The following SAP130 variants were observed in gnomAD, a reference collection of about 807,000 sequenced individuals.
SAP130 encodes the protein Sin3A associated protein 130.
SAP130 carries 16 observed loss-of-function variants against 103.2 expected under a neutral mutation model. The ratio of observed to expected loss-of-function variants is 0.16; its 90% confidence interval spans 0.10 to 0.24. The LOEUF is 0.24. Among genes scored for constraint, SAP130 ranks in the 10% least tolerant of loss-of-function variants. The pLI, the probability that SAP130 is intolerant of heterozygous loss-of-function variation, is 1.00. For synonymous variants in SAP130, 477 were observed against 497.0 expected (o/e 0.96, Z 0.53); for missense variants, 990 against 1,359.7 (o/e 0.73, Z 4.28).
Position 127,942,487 on chromosome 2 carries a change from C to T in SAP130, c.2952G>A (p.Gly984=). ...TTGCTGCTTTTTTCTTTGGGATAAT[C>T]CCTTCCTGCAGGTTAGTAAGTCTTT... ...VYERLTNLQE[G]IIPKKKAATD... Residue 984 remains glycine (G), a synonymous_variant, in exon 20 of 21, where the codon GGG becomes GGA. Transcript: ENST00000643581. The surrounding 1 kb of genome is among the most constrained non-coding windows in gnomAD (Gnocchi z 4.8). 5 of 1,613,936 alleles carry T rather than the reference C, an allele frequency of 3.1e-6. No individual in the cohort carries two copies. The highest frequency in any genetic ancestry group is 4.2e-6 in the Non-Finnish European group (5 of 1,179,838).
intron 15 of SAP130, among the ~76,000 whole-genome samples, chr2:127,975,177 G>A (rs1422885322): frequency 2.0e-5 from 3 of 152,170 alleles, no homozygotes; most frequent in African/African-American, 7.2e-5. Flanking sequence ...ACCATAAACA[G>A]TTCTGCATAA....
Position 128,000,294 on chromosome 2 carries a change from C to G in SAP130, c.1017+13G>C. 1 of 1,614,130 alleles carries G rather than the reference C, an allele frequency of 6.2e-7. No individual in the cohort carries two copies. Among genetic ancestry groups the G allele is most frequent in the Non-Finnish European group, 8.5e-7 (1 of 1,179,978 alleles). On this transcript the variant is annotated intron_variant, in intron 8 of 20. Transcript: ENST00000643581. ...AACAAAGTACACAGGTGGTTCTCCACTTTTGGTTTTACCTGAGCCATTGTA... is the reference window on the plus strand; with the variant it reads ...AACAAAGTACACAGGTGGTTCTCCAGTTTTGGTTTTACCTGAGCCATTGTA...
In SAP130 at chr2:127,962,439, A is replaced by T. The variant is rs979329705; in HGVS notation, c.2064-7095T>A. On this transcript the variant is annotated intron_variant, in intron 15 of 20. Transcript: ENST00000643581. ...AAGACACATGCACACGTATGTTTAT[A>T]GCGGCACTATTCACAATAGCAAAGA... Among the ~76,000 whole-genome samples, 7 of 152,330 alleles carry T rather than the reference A, an allele frequency of 4.6e-5. No individual in the cohort carries two copies. In the East Asian group the frequency reaches 7.7e-4, roughly 17 times the overall value.
chr2:127,992,518 G>C (rs1429862486), intron 12 of SAP130, among the ~76,000 whole-genome samples: 1 of 150,702 alleles, frequency 6.6e-6, no homozygotes, highest in Admixed American at 6.6e-5. Flanking sequence ...GACCTCAAGT[G>C]ATCTGCCTGC....
In SAP130 at chr2:127,991,934, G is replaced by A. The variant is rs889729091; in HGVS notation, c.1477+1253C>T. 2.0e-4 allele frequency among the ~76,000 whole-genome samples: 31 copies of A among 152,192 alleles called. 1 individual carries two copies. The highest frequency in any genetic ancestry group is 2.0e-3 in the Admixed American group (31 of 15,278). On this transcript the variant is annotated intron_variant, in intron 12 of 20. Transcript: ENST00000643581. ...CCATATAGCACCGTGTGGCAGGAGG[G>A]CAATGTCCACAATCCAGGCAGCAAT...
At chr2:128,025,841 C>T (rs1448440452) in intron 2 of SAP130, among the ~76,000 whole-genome samples, 1 of 152,152 alleles carries the variant, frequency 6.6e-6, no homozygotes, top group Non-Finnish European at 1.5e-5. Context: ...TAATAAACCC[C>T]TAAAAGACAA....
Position 127,953,879 on chromosome 2 carries a change from TATACATAC to T in SAP130, c.2422+1099_2422+1106del, listed in dbSNP as rs376522182. ...ATAGAACTTATCACCCAAACATATA[TATACATAC>T]ATACATACATATATAATTTAGTCAT... On this transcript the variant is annotated intron_variant, in intron 16 of 20. Transcript: ENST00000643581. This position sits in a 1 kb window ranked among gnomAD's most constrained non-coding sequence, Gnocchi z 4.0. 1.3e-5 allele frequency among the ~76,000 whole-genome samples: 2 copies of T among 152,172 alleles called. No individual in the cohort carries two copies. Among genetic ancestry groups the T allele is most frequent in the Non-Finnish European group, 2.9e-5 (2 of 68,040 alleles).
chr2:127,990,001 A>C, intron 12 of SAP130, 135 bp from the exon 13 acceptor site: 2 of 783,138 alleles, frequency 2.6e-6, no homozygotes, highest in Non-Finnish European at 3.9e-6. Context: ...AAATAAATAA[A>C]TAAACATTGT....
intron 7 of SAP130, among the ~76,000 whole-genome samples, chr2:128,007,361 C>A (rs966187175): frequency 6.6e-6 from 1 of 152,136 alleles, no homozygotes; most frequent in Non-Finnish European, 1.5e-5. Flanking sequence ...GGAGGAGGTG[C>A]GTAGGTTATA....
rs199638415 is a variant in SAP130, at chr2:128,019,108, GA to G, written c.113-1194del. Among the ~76,000 whole-genome samples, 18 of 143,188 alleles carry G rather than the reference GA, an allele frequency of 1.3e-4. 1 individual carries two copies. The East Asian group carries it at 2.7e-3, about 21-fold the overall frequency. 93.9% of individuals were successfully genotyped at this position (143,188 alleles called of 152,430 possible). ...GAGTGAGGCTCCATCTCAAAAAAAA[GA>G]AAAAAAAAAGATATTTTAAGTACGG... On this transcript the variant is annotated intron_variant, in intron 2 of 20. Coordinates refer to ENST00000643581, the MANE Select transcript of SAP130 (RefSeq NM_001330301.2).
At chr2:127,946,802 T>C (rs1482819374) in intron 18 of SAP130, among the ~76,000 whole-genome samples, 3 of 151,232 alleles carry the variant, frequency 2.0e-5, no homozygotes, top group Admixed American at 1.3e-4. Flanking sequence ...GAGAATTGCT[T>C]GAACCCAGGA....
At chr2:127,983,005 T>G (rs890755036) in intron 14 of SAP130, among the ~76,000 whole-genome samples, 5 of 151,580 alleles carry the variant, frequency 3.3e-5, no homozygotes, top group African/African-American at 1.2e-4. Flanking sequence ...CCCAAACTGG[T>G]GGGGAGGGTG....
In SAP130 at chr2:128,000,411, T is replaced by C. The variant is rs948643870; in HGVS notation, c.913A>G (p.Ser305Gly). Reference sequence around the variant, plus strand: ...CGTGACTGGGCAGGACGCTGAATACTGATTGCTGCAGATGGAGGATGCTGG... The same window carrying C: ...CGTGACTGGGCAGGACGCTGAATACCGATTGCTGCAGATGGAGGATGCTGG... ...SIQHPPSAAI[S>G]IQRPAQSRDV... Residue 305 changes from serine to glycine, a missense_variant, in exon 8 of 21, where the codon AGT (serine) becomes GGT (glycine). Physicochemically the swap from Ser to Gly is moderately conservative, Grantham distance 56 (BLOSUM62 0). Transcript: ENST00000643581. 6.2e-7 allele frequency: 1 copy of C among 1,614,208 alleles called. No homozygotes were observed. Among genetic ancestry groups the C allele is most frequent in the South Asian group, 1.1e-5 (1 of 91,086 alleles).
At chr2:127,964,188 C>G (rs1330908757) in intron 15 of SAP130, among the ~76,000 whole-genome samples, 2 of 151,654 alleles carry the variant, frequency 1.3e-5, no homozygotes, top group East Asian at 1.9e-4. Context: ...CGGTGAGACC[C>G]TATCTAAAAA....
Position 127,963,314 on chromosome 2 carries a change from C to T in SAP130, c.2064-7970G>A, listed in dbSNP as rs12624125. ...GCATGATGCTGGCTCACTGTAGCCT[C>T]GACCTCCCAGACTCAAGCAATCCTT... is the stretch of plus-strand genomic sequence containing the variant. On this transcript the variant is annotated intron_variant, in intron 15 of 20. Transcript: ENST00000643581. 9.9e-4 allele frequency among the ~76,000 whole-genome samples: 150 copies of T among 152,250 alleles called. No homozygotes were observed. In the East Asian group the frequency reaches 0.027, roughly 28 times the overall value.
intron 2 of SAP130, among the ~76,000 whole-genome samples, chr2:128,021,542 A>G (rs1245159032): frequency 6.6e-6 from 1 of 152,126 alleles, no homozygotes; most frequent in Non-Finnish European, 1.5e-5. Context: ...GGTCATTCAG[A>G]ATTTTTAAAA....
At chr2:127,980,313 TA>T (rs923359838) in intron 14 of SAP130, among the ~76,000 whole-genome samples, 1 of 151,632 alleles carries the variant, frequency 6.6e-6, no homozygotes, top group Non-Finnish European at 1.5e-5. Flanking sequence ...AAAACAAATT[TA>T]AAAAAAAGAA....
At chr2:127,974,150 A>C (rs1681285358) in intron 15 of SAP130, among the ~76,000 whole-genome samples, 1 of 152,166 alleles carries the variant, frequency 6.6e-6, no homozygotes, top group Non-Finnish European at 1.5e-5. Context: ...TCCTGCTTCC[A>C]CCCTTGCTCT....
At chr2:127,998,916 C>T (rs776188725) in intron 10 of SAP130, among the ~76,000 whole-genome samples, 5 of 152,140 alleles carry the variant, frequency 3.3e-5, no homozygotes, top group Admixed American at 6.5e-5. Flanking sequence ...GAGCTGATGA[C>T]GCAGGCAGAG....
Sources: gnomAD v4.1 joint callset for allele counts (sites outside exome capture counted in the v4.1 genomes callset) on GRCh38, gnomAD v4.1.1 for gene constraint, Gnocchi (gnomAD v3.1) non-coding constraint, MANE v1.5 for transcripts, NCBI Gene and HGNC (gene_info 2026-07-23, HGNC 2026-07-21) for gene names.